Variants in KLHL29 observed in about 807,000 individuals in gnomAD.
KLHL29 encodes kelch like family member 29.
A neutral mutation model predicts 80.4 loss-of-function variants in KLHL29; 21 were observed. The observed-to-expected ratio is 0.26, with a 90% confidence interval of 0.19 to 0.38. The LOEUF (loss-of-function observed/expected upper bound fraction) is 0.38, where lower values mean the gene tolerates loss of function less well. KLHL29 is among the 10% of genes least tolerant of loss of function. The pLI is 1.00. For missense variants in KLHL29, 867 were observed against 1,223.9 expected (o/e 0.71, Z 4.35); for synonymous variants, 511 against 526.8 (o/e 0.97, Z 0.41).
intron 3 of KLHL29, among the ~76,000 whole-genome samples, chr2:23,581,131 G>A (rs1015945186): frequency 2.0e-5 from 3 of 151,802 alleles, no homozygotes; most frequent in African/African-American, 7.3e-5. Context: ...GAGAAAATAA[G>A]GAGTGTAGCA....
chr2:23,638,183 G>A (rs558391858), intron 3 of KLHL29, among the ~76,000 whole-genome samples: 4 of 150,802 alleles, frequency 2.7e-5, no homozygotes, highest in Non-Finnish European at 5.9e-5. Context: ...TTAACATTTT[G>A]GTCATTTCCC....
chr2:23,606,864 G>T (rs1026007975), intron 3 of KLHL29, among the ~76,000 whole-genome samples: 4 of 152,108 alleles, frequency 2.6e-5, no homozygotes. Flanking sequence ...CTGTAAACAG[G>T]GTGGCTTAGA....
intron 3 of KLHL29, among the ~76,000 whole-genome samples, chr2:23,592,566 C>T (rs1668295871): frequency 6.6e-6 from 1 of 152,246 alleles, no homozygotes; most frequent in Non-Finnish European, 1.5e-5. Flanking sequence ...CCCTGCCAGG[C>T]TGGCTGCAGC....
intron 5 of KLHL29, among the ~76,000 whole-genome samples, chr2:23,658,368 A>G (rs1327948311): frequency 1.3e-5 from 2 of 152,160 alleles, no homozygotes; most frequent in African/African-American, 4.8e-5. Flanking sequence ...TGGGGCTGAC[A>G]GGGTGACAAG....
intron 1 of KLHL29, among the ~76,000 whole-genome samples, chr2:23,443,078 T>C (rs1242457542): frequency 3.9e-5 from 6 of 152,226 alleles, no homozygotes; most frequent in Non-Finnish European, 7.3e-5. Context: ...ATTTTTATTA[T>C]GAAAAATTTC....
At chr2:23,656,949 A>G (rs937306597) in intron 5 of KLHL29, among the ~76,000 whole-genome samples, 17 of 152,038 alleles carry the variant, frequency 1.1e-4, no homozygotes, top group Non-Finnish European at 7.4e-5. Flanking sequence ...AAAAAAAAAA[A>G]AAACTGGTTT....
chr2:23,634,887 G>C (rs891173136), intron 3 of KLHL29, among the ~76,000 whole-genome samples: 3 of 152,248 alleles, frequency 2.0e-5, no homozygotes, highest in Admixed American at 2.0e-4. Context: ...CATCGAGCCA[G>C]CAGTGATATA....
chr2:23,518,200 G>A (rs1477050391), intron 2 of KLHL29, among the ~76,000 whole-genome samples: 4 of 152,332 alleles, frequency 2.6e-5, no homozygotes, highest in Admixed American at 1.3e-4. Flanking sequence ...GAGGGAACCT[G>A]AGACTTGGCC....
At position 23,394,939 on chromosome 2, in the gene KLHL29, G is replaced by A. The variant is rs1323319948; in HGVS notation, c.-154+9159G>A. On this transcript the variant is annotated intron_variant, in intron 1 of 13. Coordinates refer to ENST00000486442, the MANE Select transcript of KLHL29 (RefSeq NM_052920.2). Reference sequence around the variant, plus strand: ...GATTAAATACTTGAGGATTAAATGAGTTCCTGTTTGCAAAGTGCTTAGAAC... The same window carrying A: ...GATTAAATACTTGAGGATTAAATGAATTCCTGTTTGCAAAGTGCTTAGAAC... 2.0e-5 allele frequency among the ~76,000 whole-genome samples: 3 copies of A among 152,214 alleles called. No individual in the cohort carries two copies. The South Asian group carries it at 6.2e-4, about 32-fold the overall frequency.
At chr2:23,393,089 C>A (rs1666359337) in intron 1 of KLHL29, among the ~76,000 whole-genome samples, 1 of 152,198 alleles carries the variant, frequency 6.6e-6, no homozygotes, top group Admixed American at 6.5e-5. Context: ...GTTAAAGATT[C>A]ATCTAGAACC....
intron 2 of KLHL29, among the ~76,000 whole-genome samples, chr2:23,477,403 C>G: frequency 6.6e-6 from 1 of 152,270 alleles, no homozygotes; most frequent in East Asian, 1.9e-4. Context: ...GAAAATATGG[C>G]TTTGGAATCT....
Position 23,693,261 on chromosome 2 carries a change from G to GC in KLHL29, c.1283-3dup. On this transcript the variant is annotated splice_region_variant and splice_polypyrimidine_tract_variant and intron_variant, in intron 7 of 13. Coordinates refer to ENST00000486442, the MANE Select transcript of KLHL29 (RefSeq NM_052920.2). The stretch of plus-strand genomic sequence containing the variant: ...TTTGGGTCAGTGGTCCTGCGCTGTC[G>GC]CCCCCAGAGAAGCAGCTGACGGCCA... The GC allele has an allele frequency of 1.3e-6, 2 of 1,538,978 alleles. No homozygotes were observed. The highest frequency in any genetic ancestry group is 2.5e-5 in the East Asian group (1 of 40,568).
At chr2:23,586,994 T>C (rs562154205) in intron 3 of KLHL29, among the ~76,000 whole-genome samples, 4 of 152,302 alleles carry the variant, frequency 2.6e-5, no homozygotes, top group African/African-American at 9.6e-5. Flanking sequence ...TCCGTCTTAT[T>C]GTTGGGGGAT....
At chr2:23,637,735 G>T (rs1039626081) in intron 3 of KLHL29, among the ~76,000 whole-genome samples, 2 of 152,022 alleles carry the variant, frequency 1.3e-5, no homozygotes, top group Non-Finnish European at 2.9e-5. Flanking sequence ...CAGAACCCAG[G>T]AGAGCCACTC....
chr2:23,693,479 A>G lies in KLHL29; in HGVS notation c.1493A>G (p.Tyr498Cys). ...AACACCAAGGCTGAGGAGCTGGTGT[A>G]CGAGACAGTCATCAAGTGGATCAAG... Reference protein sequence around the residue: ...SLNTKAEELVYETVIKWIKKD... With the variant: ...SLNTKAEELVCETVIKWIKKD... The change falls in exon 8 of 14, where the codon TAC becomes TGC. Residue 498 changes from tyrosine to cysteine, a missense_variant. Transcript: ENST00000486442. The G allele has an allele frequency of 6.4e-7, 1 of 1,551,658 alleles. No homozygotes were observed. Among genetic ancestry groups the G allele is most frequent in the Non-Finnish European group, 8.7e-7 (1 of 1,146,942 alleles).
At chr2:23,500,332 G>C (rs1316159500) in intron 2 of KLHL29, among the ~76,000 whole-genome samples, 1 of 152,250 alleles carries the variant, frequency 6.6e-6, no homozygotes, top group Non-Finnish European at 1.5e-5. Flanking sequence ...AAACAGATAA[G>C]TGATCGGAAG....
chr2:23,430,880 A>G (rs934921474), intron 1 of KLHL29, among the ~76,000 whole-genome samples: 15 of 152,244 alleles, frequency 9.9e-5, no homozygotes, highest in African/African-American at 3.6e-4. Flanking sequence ...CTCAGGTCAG[A>G]GTGCTGTGTC....
At chr2:23,496,684 G>A (rs1665275348) in intron 2 of KLHL29, among the ~76,000 whole-genome samples, 1 of 152,242 alleles carries the variant, frequency 6.6e-6, no homozygotes, top group East Asian at 1.9e-4. Context: ...AGGGGGCCCA[G>A]GGACCACCGC....
At chr2:23,671,765 T>C (rs1670771049) in intron 5 of KLHL29, among the ~76,000 whole-genome samples, 1 of 151,864 alleles carries the variant, frequency 6.6e-6, no homozygotes, top group African/African-American at 2.4e-5. Context: ...GTCTCATGAG[T>C]AGATGCAGAG....
Sources: gnomAD v4.1 joint callset for allele counts (sites outside exome capture counted in the v4.1 genomes callset) on GRCh38, gnomAD v4.1.1 for gene constraint, MANE v1.5 for transcripts, NCBI Gene and HGNC (gene_info 2026-07-23, HGNC 2026-07-21) for gene names.